The following JARID2 variants were observed in gnomAD, a reference collection of about 807,000 sequenced individuals.
JARID2 encodes jumonji and AT-rich interaction domain containing 2.
Under a neutral mutation model 125.6 loss-of-function variants are expected in JARID2, and 21 were observed. The ratio of observed to expected loss-of-function variants is 0.17; its 90% CI spans 0.12 to 0.24. The LOEUF is 0.24. JARID2 is among the 10% of genes least tolerant of loss of function. The probability of loss-of-function intolerance (pLI) is 1.00; values close to 1 mark genes in which losing one functional copy is unlikely to be tolerated. For synonymous variants in JARID2, 736 were observed against 661.6 expected, an observed-to-expected ratio of 1.11 and a Z score of -1.73; for missense variants, 1,303 against 1,639.6, an observed-to-expected ratio of 0.79 and a Z score of 3.55.
chr6:15,265,926 G>A (rs1760067411), intron 1 of JARID2, among the ~76,000 whole-genome samples: 1 of 152,104 alleles, frequency 6.6e-6, no homozygotes, highest in Non-Finnish European at 1.5e-5. Context: ...GGTCTGTTAC[G>A]GTTTTGAAAG....
At chr6:15,292,256 C>T (rs1048493855) in intron 1 of JARID2, among the ~76,000 whole-genome samples, 4 of 151,968 alleles carry the variant, frequency 2.6e-5, no homozygotes, top group South Asian at 2.1e-4. Context: ...CTCCTGACCT[C>T]GTGATCCGCC....
chr6:15,381,341 C>CCAAAAAAAAA (rs70996539), intron 2 of JARID2, among the ~76,000 whole-genome samples: 1 of 92,978 alleles, frequency 1.1e-5, no homozygotes. Context: ...ACTCCTGTCT[C>CCAAAAAAAAA]AAAAAAAAAA....
intron 1 of JARID2, among the ~76,000 whole-genome samples, chr6:15,320,965 G>C (rs1762335929): frequency 6.6e-6 from 1 of 151,906 alleles, no homozygotes; most frequent in South Asian, 2.1e-4. Context: ...TTGTTTGGGA[G>C]TTTTATGAAA....
rs1469393744 is a variant in JARID2 at position 15,286,608 on chromosome 6, C to T, written c.45+40024C>T. Among the ~76,000 whole-genome samples, 6 of 151,784 alleles carry T rather than the reference C, an allele frequency of 4.0e-5. No individual in the cohort carries two copies. The East Asian group carries it at 1.2e-3, about 30-fold the overall frequency. ...GAGCGTGGTGGCTCACGCCTGTATTCCCAGCACTTTGGGAGGCCGAGACGG... is the reference window on the plus strand; with the variant it reads ...GAGCGTGGTGGCTCACGCCTGTATTTCCAGCACTTTGGGAGGCCGAGACGG... On this transcript the variant is annotated intron_variant, in intron 1 of 17. Coordinates refer to ENST00000341776, the MANE Select transcript of JARID2 (RefSeq NM_004973.4).
At chr6:15,308,247 T>C (rs1207377025) in intron 1 of JARID2, among the ~76,000 whole-genome samples, 1 of 152,170 alleles carries the variant, frequency 6.6e-6, no homozygotes, top group Non-Finnish European at 1.5e-5. Flanking sequence ...GAGTGCATTC[T>C]AGGTTTTAAA....
At chr6:15,373,230 C>T (rs536877229) in intron 1 of JARID2, among the ~76,000 whole-genome samples, 32 of 152,262 alleles carry the variant, frequency 2.1e-4, no homozygotes, top group Non-Finnish European at 4.3e-4. Context: ...TGTTGTCAAC[C>T]ATGTCTGTCT....
chr6:15,344,690 T>C (rs1009158370), intron 1 of JARID2, among the ~76,000 whole-genome samples: 3 of 152,182 alleles, frequency 2.0e-5, no homozygotes, highest in Non-Finnish European at 4.4e-5. Context: ...TATTTTACCT[T>C]CTTTATAGAT....
chr6:15,442,156 A>T (rs1767476425), intron 3 of JARID2, among the ~76,000 whole-genome samples: 1 of 151,418 alleles, frequency 6.6e-6, no homozygotes, highest in Non-Finnish European at 1.5e-5. Flanking sequence ...TCACAGGGTC[A>T]TTCCCTTTGC....
chr6:15,514,091 C>T (rs1771426558), intron 16 of JARID2, among the ~76,000 whole-genome samples: 2 of 152,216 alleles, frequency 1.3e-5, no homozygotes, highest in African/African-American at 4.8e-5. Context: ...GGGGTTAATA[C>T]CAAACACCTC....
At chr6:15,390,213 A>G (rs906513493) in intron 2 of JARID2, among the ~76,000 whole-genome samples, 1 of 152,110 alleles carries the variant, frequency 6.6e-6, no homozygotes, top group Non-Finnish European at 1.5e-5. Context: ...GAGAAACCCA[A>G]TGTGAGTGCG....
At chr6:15,514,338 G>A (rs543804716) in intron 16 of JARID2, among the ~76,000 whole-genome samples, 8 of 152,306 alleles carry the variant, frequency 5.3e-5, no homozygotes, top group South Asian at 2.1e-4. Flanking sequence ...CTGCCTCCCC[G>A]GGCCTCGTCC....
chr6:15,364,118 G>T (rs570971709), intron 1 of JARID2, among the ~76,000 whole-genome samples: 184 of 152,206 alleles, frequency 1.2e-3, no homozygotes, highest in African/African-American at 4.0e-3. Flanking sequence ...GGGTTCGGGT[G>T]GGGTAGTTAT....
At chr6:15,372,467 C>G (rs565471203) in intron 1 of JARID2, among the ~76,000 whole-genome samples, 2 of 152,216 alleles carry the variant, frequency 1.3e-5, no homozygotes, top group South Asian at 2.1e-4. Context: ...TCAAGTGATT[C>G]TCATGCCTCA....
At position 15,496,470 on chromosome 6, in the gene JARID2, A is replaced by G. The variant is rs1458744658; in HGVS notation, c.1245A>G (p.Pro415=). Residue 415 remains proline, a synonymous_variant, in exon 7 of 18, where the codon CCA becomes CCG. Coordinates refer to ENST00000341776, the MANE Select transcript of JARID2 (RefSeq NM_004973.4). The part of the protein sequence containing the change: ...NGLKVSGRLN[P]KSCTKEVGGR... Reference sequence around the variant, plus strand: ...TCAAGGTCAGTGGCAGGTTGAACCCAAAGTCATGCACTAAGGAGGTGGGGG... The same window carrying G: ...TCAAGGTCAGTGGCAGGTTGAACCCGAAGTCATGCACTAAGGAGGTGGGGG... The G allele has an allele frequency of 1.1e-5, 17 of 1,613,430 alleles. No individual in the cohort carries two copies. Among genetic ancestry groups the G allele is most frequent in the Non-Finnish European group, 1.4e-5 (16 of 1,179,806 alleles).
chr6:15,496,947 C>T lies in JARID2; in HGVS notation c.1722C>T (p.Ile574=), dbSNP rs2127735898. Reference sequence around the variant, plus strand: ...AGTTCCACGATCCGCTCATCTACATCGAGTCGGTCCGCGCTCAGGTGGAGA... The same window carrying T: ...AGTTCCACGATCCGCTCATCTACATTGAGTCGGTCCGCGCTCAGGTGGAGA... ...AKEFHDPLIY[I]ESVRAQVEKF... Residue 574 remains isoleucine, a synonymous_variant, in exon 7 of 18, where the codon ATC becomes ATT. Transcript: ENST00000341776. 4 of 1,607,504 alleles carry T rather than the reference C, an allele frequency of 2.5e-6. No homozygotes were observed. The highest frequency in any genetic ancestry group is 2.2e-5 in the East Asian group (1 of 44,696).
At position 15,371,380 on chromosome 6, in the gene JARID2, G is replaced by A. The variant is rs978067969; in HGVS notation, c.46-2737G>A. On this transcript the variant is annotated intron_variant, in intron 1 of 17. Transcript: ENST00000341776. Reference sequence around the variant, plus strand: ...AGGAAATAATAGTTTATAATCTCACGTCATTGTTTGTTGTGGAGATTCGAA... The same window carrying A: ...AGGAAATAATAGTTTATAATCTCACATCATTGTTTGTTGTGGAGATTCGAA... Among the ~76,000 whole-genome samples, 11 of 152,136 alleles carry A rather than the reference G, an allele frequency of 7.2e-5. 1 individual carries two copies. Among genetic ancestry groups the A allele is most frequent in the South Asian group, 6.2e-4 (3 of 4,832 alleles).
At chr6:15,268,740 A>G (rs1760185153) in intron 1 of JARID2, among the ~76,000 whole-genome samples, 1 of 152,170 alleles carries the variant, frequency 6.6e-6, no homozygotes, top group Non-Finnish European at 1.5e-5. Context: ...TTAACATGGG[A>G]GAGCTTCTTC....
chr6:15,376,941 G>A (rs979046616), intron 2 of JARID2, among the ~76,000 whole-genome samples: 7 of 152,180 alleles, frequency 4.6e-5, no homozygotes, highest in African/African-American at 7.2e-5. Context: ...TGTTGTAACT[G>A]CAAGCTGTGT....
chr6:15,282,971 A>ATT (rs994935210), intron 1 of JARID2, among the ~76,000 whole-genome samples: 1 of 149,412 alleles, frequency 6.7e-6, no homozygotes, highest in African/African-American at 2.5e-5. Context: ...CTATCTATCT[A>ATT]TTTTTTTATT....
Sources: gnomAD v4.1 joint callset for allele counts (sites outside exome capture counted in the v4.1 genomes callset) on GRCh38, gnomAD v4.1.1 for gene constraint, MANE v1.5 for transcripts, NCBI Gene and HGNC (gene_info 2026-07-23, HGNC 2026-07-21) for gene names.